The following TSPEAR variants were observed in gnomAD, a reference collection of about 807,000 sequenced individuals.
TSPEAR encodes the protein thrombospondin-type laminin G domain and EAR repeat-containing protein.
In TSPEAR, 69 loss-of-function variants were observed where a neutral mutation model predicts 71.6. The ratio of observed to expected loss-of-function variants is 0.96; its 90% CI spans 0.79 to 1.18. The LOEUF is 1.18. Among genes scored for constraint, TSPEAR ranks in the 50% most tolerant of loss-of-function variants. The pLI is 0.00. For missense variants in TSPEAR, 971 were observed against 894.9 expected, an observed-to-expected ratio of 1.09 and a Z score of -1.09; for synonymous variants, 402 against 387.2, an observed-to-expected ratio of 1.04 and a Z score of -0.45.
intron 1 of TSPEAR, among the ~76,000 whole-genome samples, chr21:44,660,636 A>G (rs1555943434): frequency 6.6e-6 from 1 of 152,242 alleles, no homozygotes; most frequent in Non-Finnish European, 1.5e-5. Context: ...GCCAAGGAAT[A>G]TGATAGCAGA....
chr21:44,533,968 T>A, intron 2 of TSPEAR, 45 bp from the exon 3 acceptor site: 1 of 1,276,836 alleles, frequency 7.8e-7, no homozygotes, highest in Non-Finnish European at 1.1e-6. Flanking sequence ...GGGGTAGGGG[T>A]CGGGTGCGGG....
intron 1 of TSPEAR, among the ~76,000 whole-genome samples, chr21:44,688,241 T>C (rs1367441288): frequency 6.6e-6 from 1 of 151,960 alleles, no homozygotes; most frequent in African/African-American, 2.4e-5. Context: ...AGAATAACGG[T>C]GGATCGCAGG....
At chr21:44,550,657 G>A (rs1555918447) in intron 2 of TSPEAR, 1 of 1,606,970 alleles carries the variant, frequency 6.2e-7, no homozygotes, top group East Asian at 2.2e-5. Flanking sequence ...GGGAGGTGGG[G>A]CCTGAGCCCG....
intron 1 of TSPEAR, chr21:44,575,066 C>A: frequency 6.6e-7 from 1 of 1,524,766 alleles, no homozygotes; most frequent in Non-Finnish European, 8.9e-7. Flanking sequence ...TCAGGTCCCA[C>A]CTGAAAGCTG....
intron 1 of TSPEAR, among the ~76,000 whole-genome samples, chr21:44,630,946 C>G (rs587727981): frequency 3.6e-4 from 55 of 152,252 alleles, no homozygotes; most frequent in African/African-American, 1.3e-3. Flanking sequence ...CAACCAGCAA[C>G]AGCAAACCAC....
At chr21:44,670,427 G>T (rs1330116088) in intron 1 of TSPEAR, among the ~76,000 whole-genome samples, 2 of 140,452 alleles carry the variant, frequency 1.4e-5, no homozygotes, top group Non-Finnish European at 3.2e-5. Flanking sequence ...ATTCAGCAAA[G>T]AAGCAACTGG....
chr21:44,563,436 C>CA (rs2053664833), intron 2 of TSPEAR, among the ~76,000 whole-genome samples: 1 of 151,886 alleles, frequency 6.6e-6, no homozygotes, highest in African/African-American at 2.4e-5. Context: ...CTTGATAAGT[C>CA]AAAATAAGTA....
intron 2 of TSPEAR, among the ~76,000 whole-genome samples, chr21:44,554,960 G>A (rs587610873): frequency 2.3e-4 from 35 of 152,236 alleles, no homozygotes; most frequent in Admixed American, 4.6e-4. Context: ...CTCGAATTGC[G>A]GTTCCATTCC....
At position 44,546,226 on chromosome 21, in the gene TSPEAR, C is replaced by T. The variant is rs1014568591; in HGVS notation, c.304-12303G>A. 6.6e-6 allele frequency among the ~76,000 whole-genome samples: 1 copy of T among 152,216 alleles called. No individual in the cohort carries two copies. The highest frequency in any genetic ancestry group is 1.5e-5 in the Non-Finnish European group (1 of 68,038). On this transcript the variant is annotated intron_variant, in intron 2 of 11. Coordinates refer to ENST00000323084, the MANE Select transcript of TSPEAR (RefSeq NM_144991.3). This position sits in a 1 kb window ranked among gnomAD's most constrained non-coding sequence, Gnocchi z 4.4. ...ACAAACTACCGACATGGCTACCTTT[C>T]CTTCATATGGCTCCAGGTTACTGTC...
chr21:44,622,912 C>T (rs1252195581), intron 1 of TSPEAR, among the ~76,000 whole-genome samples: 1 of 152,104 alleles, frequency 6.6e-6, no homozygotes, highest in Admixed American at 6.5e-5. Context: ...GTAGTGCTGT[C>T]CTTGTGATAG....
chr21:44,601,647 A>G (rs782151450), intron 1 of TSPEAR: 67 of 1,611,456 alleles, frequency 4.2e-5, no homozygotes, highest in South Asian at 1.3e-4. Context: ...GCTGCCGCCC[A>G]GCCTCCTGTG....
At chr21:44,590,071 G>A (rs1035245248) in intron 1 of TSPEAR, among the ~76,000 whole-genome samples, 2 of 151,292 alleles carry the variant, frequency 1.3e-5, no homozygotes, top group Non-Finnish European at 2.9e-5. Flanking sequence ...TCCTGGGTCT[G>A]CCTGGAGGGG....
intron 1 of TSPEAR, chr21:44,682,024 C>A (rs9984476): frequency 1.2e-6 from 2 of 1,613,930 alleles, no homozygotes; most frequent in Admixed American, 3.3e-5. Flanking sequence ...GGCACGCACA[C>A]GGAGGACTGG....
intron 1 of TSPEAR, among the ~76,000 whole-genome samples, chr21:44,709,287 C>A (rs1336281500): frequency 6.6e-6 from 1 of 152,232 alleles, no homozygotes; most frequent in African/African-American, 2.4e-5. Context: ...CAGCCCGGAC[C>A]ACAGGCTCCT....
In TSPEAR at chr21:44,499,850, C is replaced by A. The variant is rs144571530; in HGVS notation, c.1943G>T (p.Gly648Val). The change falls in exon 12 of 12, where the codon GGT (glycine) becomes GTT (valine). Residue 648 changes from glycine (G) to valine (V), a missense_variant. Gly to Val is a moderately radical substitution (Grantham distance 109, BLOSUM62 -3). Transcript: ENST00000323084. The stretch of plus-strand genomic sequence containing the variant: ...GGCGCTGGAGTAGATGAGGTAGGCA[C>A]CAGCCGTGGTGCTGAAGGCCTCCCA... ...RDWEAFSTTA[G>V]AYLIYSSAKE... 2 of 1,599,992 alleles carry A rather than the reference C, an allele frequency of 1.3e-6. No individual in the cohort carries two copies. The highest frequency in any genetic ancestry group is 1.7e-6 in the Non-Finnish European group (2 of 1,174,532).
At chr21:44,532,802 C>CA (rs1401886043) in intron 3 of TSPEAR, among the ~76,000 whole-genome samples, 1 of 152,214 alleles carries the variant, frequency 6.6e-6, no homozygotes, top group Admixed American at 6.5e-5. Context: ...CAGGCGACGG[C>CA]AAAAACGAGA....
At chr21:44,600,313 C>A (rs919027150) in intron 1 of TSPEAR, among the ~76,000 whole-genome samples, 2 of 152,116 alleles carry the variant, frequency 1.3e-5, no homozygotes, top group Non-Finnish European at 2.9e-5. Context: ...ACATTACACC[C>A]TGTCTACTTC....
chr21:44,643,607 T>C (rs1254855218), intron 1 of TSPEAR, among the ~76,000 whole-genome samples: 1 of 152,198 alleles, frequency 6.6e-6, no homozygotes, highest in African/African-American at 2.4e-5. Flanking sequence ...GTAATGTATA[T>C]CTTAGATCAC....
Position 44,531,045 on chromosome 21 carries a change from T to C in TSPEAR, c.631A>G (p.Met211Val), listed in dbSNP as rs142562605. Residue 211 changes from methionine to valine, a missense_variant and splice_region_variant, in exon 4 of 12, where the codon ATG becomes GTG. Physicochemically the swap from Met to Val is conservative, Grantham distance 21. Coordinates refer to ENST00000323084, the MANE Select transcript of TSPEAR (RefSeq NM_144991.3). ...GSRRRAKGLF[M>V]GLVRQLVLLP... ...GAAGGCAGCCCCTCCATACTCGCCA[T>C]GAACAGGCCTTTGGCTCTCCTCCGG... is the stretch of plus-strand genomic sequence containing the variant. The C allele has an allele frequency of 1.1e-5, 17 of 1,613,302 alleles. No individual in the cohort carries two copies. The highest frequency in any genetic ancestry group is 6.6e-5 in the South Asian group (6 of 91,042).
Sources: allele counts gnomAD v4.1 joint callset (sites outside exome capture counted in the v4.1 genomes callset), GRCh38; gene constraint gnomAD v4.1.1; non-coding constraint Gnocchi (gnomAD v3.1); transcripts MANE v1.5; gene names NCBI Gene and HGNC (gene_info 2026-07-23, HGNC 2026-07-21).